Variants in HGF observed in about 807,000 individuals in gnomAD.
HGF encodes the protein fibroblast-derived tumor cytotoxic factor.
Under a neutral mutation model 111.6 loss-of-function variants are expected in HGF, and 39 were observed. The ratio of observed to expected loss-of-function variants is 0.35; its 90% CI spans 0.27 to 0.46. The LOEUF (loss-of-function observed/expected upper bound fraction) is 0.46, where lower values mean the gene tolerates loss of function less well. Ranked by LOEUF, HGF falls within the 20% of genes least tolerant of loss-of-function variation. The pLI, the probability that HGF is intolerant of heterozygous loss-of-function variation, is 1.00. For missense variants in HGF, 735 were observed against 910.5 expected (o/e 0.81, Z 2.48); for synonymous variants, 285 against 294.8 (o/e 0.97, Z 0.34).
At chr7:81,727,123 C>T (rs1033578872) in intron 8 of HGF, among the ~76,000 whole-genome samples, 1 of 151,064 alleles carries the variant, frequency 6.6e-6, no homozygotes, top group African/African-American at 2.4e-5. Flanking sequence ...TCACTGCAAG[C>T]TCCGCCTCCC....
At chr7:81,765,485 AG>A (rs1258231513) in intron 1 of HGF, among the ~76,000 whole-genome samples, 1 of 152,122 alleles carries the variant, frequency 6.6e-6, no homozygotes, top group Non-Finnish European at 1.5e-5. Flanking sequence ...AGAAATGAAA[AG>A]CTTGTCTGGG....
chr7:81,741,997 A>C (rs1001593518), intron 7 of HGF, among the ~76,000 whole-genome samples: 5 of 152,040 alleles, frequency 3.3e-5, no homozygotes, highest in Non-Finnish European at 5.9e-5. Flanking sequence ...ACACACAAAA[A>C]ATCAGAAGGG....
intron 6 of HGF, 87 bp downstream of exon 6, chr7:81,744,913 A>G (rs985724544): frequency 4.2e-6 from 6 of 1,413,340 alleles, no homozygotes; most frequent in East Asian, 2.3e-5. Context: ...AAAACATAAT[A>G]TAAAGAGAAT....
At chr7:81,738,030 G>C (rs1787890588) in intron 7 of HGF, among the ~76,000 whole-genome samples, 1 of 152,018 alleles carries the variant, frequency 6.6e-6, no homozygotes, top group Non-Finnish European at 1.5e-5. Flanking sequence ...TAAATGATGA[G>C]AACACATGGA....
chr7:81,765,110 G>A (rs1199313027), intron 1 of HGF, among the ~76,000 whole-genome samples: 3 of 152,002 alleles, frequency 2.0e-5, no homozygotes, highest in African/African-American at 4.8e-5. Flanking sequence ...ATGTCTAAGT[G>A]TGAGGGAAAA....
At chr7:81,747,320 C>T (rs958849975) in intron 5 of HGF, among the ~76,000 whole-genome samples, 1 of 152,060 alleles carries the variant, frequency 6.6e-6, no homozygotes, top group Non-Finnish European at 1.5e-5. Flanking sequence ...GCCTGGGCGA[C>T]AGAGCGAGAC....
At chr7:81,719,440 G>A (rs1789797222) in intron 10 of HGF, among the ~76,000 whole-genome samples, 2 of 152,256 alleles carry the variant, frequency 1.3e-5, no homozygotes, top group African/African-American at 2.4e-5. Context: ...AGTAGCCACT[G>A]GCCACATATG....
chr7:81,736,786 T>C (rs1787840343), intron 7 of HGF: 1 of 461,142 alleles, frequency 2.2e-6, no homozygotes. Flanking sequence ...GTATATGAAG[T>C]CACATATAAG....
chr7:81,719,810 A>C (rs1789807028), intron 10 of HGF, among the ~76,000 whole-genome samples: 1 of 152,180 alleles, frequency 6.6e-6, no homozygotes, highest in African/African-American at 2.4e-5. Context: ...ATTTTGGAAG[A>C]GAATAAGGAA....
In HGF at chr7:81,752,133, A is replaced by G; in HGVS notation, c.612T>C (p.Pro204=). Residue 204 remains proline (P), a synonymous_variant, in exon 5 of 18, where the codon CCT becomes CCC. Transcript: ENST00000222390. The part of the protein sequence containing the change: ...PEVRYEVCDI[P]QCSEVECMTC... ...AGGTTTATTTACCTTCTGAACACTG[A>G]GGAATGTCACAGACTTCGTAGCGTA... is the stretch of plus-strand genomic sequence containing the variant. 1 of 1,613,598 alleles carries G rather than the reference A, an allele frequency of 6.2e-7. No individual in the cohort carries two copies. The highest frequency in any genetic ancestry group is 1.3e-5 in the African/African-American group (1 of 75,022).
At chr7:81,741,664 C>T (rs1788009690) in intron 7 of HGF, among the ~76,000 whole-genome samples, 1 of 151,604 alleles carries the variant, frequency 6.6e-6, no homozygotes, top group Admixed American at 6.6e-5. Context: ...ACCGGCCAGG[C>T]CTGGTGGCTC....
At chr7:81,742,952 G>A in intron 7 of HGF, 1 of 1,612,806 alleles carries the variant, frequency 6.2e-7, no homozygotes, top group Non-Finnish European at 8.5e-7. Flanking sequence ...TTATGTCTCT[G>A]GGGAGGAAAG....
rs771441595 is a variant in HGF at position 81,725,920 on chromosome 7, T to C, written c.1138A>G (p.Ile380Val). ...CCATGTGACATATCACAGTTTGGAA[T>C]TTGGGAGCAGTAGCCAACTCGGATG... is the stretch of plus-strand genomic sequence containing the variant. ...PNIRVGYCSQ[I>V]PNCDMSHGQD... The change falls in exon 9 of 18, where the codon ATT (isoleucine) becomes GTT (valine). Residue 380 changes from isoleucine to valine, a missense_variant. Physicochemically the swap from Ile to Val is conservative, Grantham distance 29 (BLOSUM62 3). Coordinates refer to ENST00000222390, the MANE Select transcript of HGF (RefSeq NM_000601.6). 1.2e-6 allele frequency: 2 copies of C among 1,614,136 alleles called. No individual in the cohort carries two copies. Among genetic ancestry groups the C allele is most frequent in the Non-Finnish European group, 1.7e-6 (2 of 1,179,998 alleles).
chr7:81,730,670 A>G (rs1201232268), intron 7 of HGF, among the ~76,000 whole-genome samples: 3 of 152,056 alleles, frequency 2.0e-5, no homozygotes, highest in Admixed American at 6.6e-5. Flanking sequence ...TTTTACCACA[A>G]TTTGGTCTCT....
chr7:81,721,520 A>G (rs1380709108), intron 9 of HGF, among the ~76,000 whole-genome samples: 3 of 152,176 alleles, frequency 2.0e-5, no homozygotes, highest in South Asian at 4.1e-4. Context: ...AAGTAATATA[A>G]CGAACATTCA....
Position 81,717,308 on chromosome 7 carries a change from T to C in HGF, c.1329A>G (p.Pro443=). 1 of 1,613,654 alleles carries C rather than the reference T, an allele frequency of 6.2e-7. No individual in the cohort carries two copies. The highest frequency in any genetic ancestry group is 8.5e-7 in the Non-Finnish European group (1 of 1,179,566). The change falls in exon 11 of 18, where the codon CCA becomes CCG. Residue 443 remains proline (P), a synonymous_variant. Transcript: ENST00000222390. ...ACCAGGGTCCATGAGCATCATCATC[T>C]GGATTTCGGCAGTAATTCTCATTCA... ...SKLNENYCRN[P]DDDAHGPWCY... is the part of the protein sequence containing the mutation.
At chr7:81,721,061 C>A (rs973522681) in intron 9 of HGF, among the ~76,000 whole-genome samples, 4 of 152,050 alleles carry the variant, frequency 2.6e-5, no homozygotes, top group Non-Finnish European at 5.9e-5. Flanking sequence ...CTGGCTAACA[C>A]GGTGAAACCC....
At chr7:81,710,086 G>T in intron 13 of HGF, 61 bp downstream of exon 13, 2 of 1,147,652 alleles carry the variant, frequency 1.7e-6, no homozygotes, top group Non-Finnish European at 2.6e-6. Flanking sequence ...CCATATTTCT[G>T]GGAATAGGAC....
chr7:81,743,062 C>T (rs1016725262), intron 7 of HGF: 49 of 965,564 alleles, frequency 5.1e-5, no homozygotes, highest in Non-Finnish European at 6.0e-5. Context: ...ATCTTTTTCT[C>T]TCTCTGTGGT....
Sources: gnomAD v4.1 joint callset for allele counts (sites outside exome capture counted in the v4.1 genomes callset) on GRCh38, gnomAD v4.1.1 for gene constraint, MANE v1.5 for transcripts, NCBI Gene and HGNC (gene_info 2026-07-23, HGNC 2026-07-21) for gene names.